CADM2: variants seen among roughly 807,000 people sequenced by gnomAD.
The protein encoded by CADM2 is immunoglobulin superfamily member 4D.
In CADM2, 12 loss-of-function variants were observed where a neutral mutation model predicts 49.8. The ratio of observed to expected loss-of-function variants is 0.24; its 90% confidence interval spans 0.15 to 0.39. The LOEUF (loss-of-function observed/expected upper bound fraction) is 0.39. Among genes scored for constraint, CADM2 ranks in the 10% least tolerant of loss-of-function variants. CADM2 has a pLI of 1.00. For synonymous variants in CADM2, 214 were observed against 175.4 expected, an observed-to-expected ratio of 1.22 and a Z score of -1.74; for missense variants, 378 against 492.3, an observed-to-expected ratio of 0.77 and a Z score of 2.20.
intron 1 of CADM2, among the ~76,000 whole-genome samples, chr3:85,015,324 ACTTC>A (rs2034206159): frequency 6.6e-6 from 1 of 152,130 alleles, no homozygotes. Context: ...CTGAAATTTT[ACTTC>A]CTTATTTTTT....
intron 1 of CADM2, among the ~76,000 whole-genome samples, chr3:85,007,519 AAT>A (rs777454606): frequency 5.4e-4 from 83 of 152,324 alleles, no homozygotes; most frequent in Non-Finnish European, 1.1e-3. Context: ...GAAATTATTA[AAT>A]TTAATTGTGA....
At chr3:85,723,248 A>G (rs992229144) in intron 1 of CADM2, among the ~76,000 whole-genome samples, 2 of 152,200 alleles carry the variant, frequency 1.3e-5, no homozygotes, top group South Asian at 2.1e-4. Flanking sequence ...TGCTTTTATT[A>G]TAAAGACAAA....
intron 1 of CADM2, among the ~76,000 whole-genome samples, chr3:85,665,633 A>T (rs922073868): frequency 2.0e-5 from 3 of 151,970 alleles, no homozygotes; most frequent in Non-Finnish European, 4.4e-5. Context: ...TCCTTTTACT[A>T]AAGTCTTTTG....
intron 1 of CADM2, among the ~76,000 whole-genome samples, chr3:85,541,973 A>G (rs1000698556): frequency 6.6e-6 from 1 of 151,770 alleles, no homozygotes; most frequent in Non-Finnish European, 1.5e-5. Flanking sequence ...CTCTCATGAA[A>G]ATATAGTGGC....
At chr3:85,471,572 A>C (rs2107609915) in intron 1 of CADM2, among the ~76,000 whole-genome samples, 1 of 152,202 alleles carries the variant, frequency 6.6e-6, no homozygotes, top group Non-Finnish European at 1.5e-5. Flanking sequence ...GGAATTTTTT[A>C]GTTAGATTTT....
chr3:85,391,778 C>T (rs1431114888), intron 1 of CADM2, among the ~76,000 whole-genome samples: 6 of 152,054 alleles, frequency 3.9e-5, no homozygotes, highest in African/African-American at 1.4e-4. Flanking sequence ...CGGTTTAGAA[C>T]CTGCATATGC....
chr3:85,188,873 T>C (rs1049327760), intron 1 of CADM2, among the ~76,000 whole-genome samples: 6 of 151,450 alleles, frequency 4.0e-5, no homozygotes, highest in Non-Finnish European at 7.4e-5. Context: ...CTACTAAAAA[T>C]ACAAAAAATT....
At chr3:85,569,110 A>T (rs537808246) in intron 1 of CADM2, among the ~76,000 whole-genome samples, 1 of 152,246 alleles carries the variant, frequency 6.6e-6, no homozygotes, top group East Asian at 1.9e-4. Context: ...ATCCCTAGTG[A>T]TGCATTTTTA....
intron 1 of CADM2, among the ~76,000 whole-genome samples, chr3:85,315,950 G>A (rs2044455626): frequency 6.6e-6 from 1 of 152,016 alleles, no homozygotes; most frequent in African/African-American, 2.4e-5. Flanking sequence ...CATCAAGAAG[G>A]AAGACATTTA....
intron 1 of CADM2, among the ~76,000 whole-genome samples, chr3:85,019,498 C>T (rs1008329937): frequency 1.3e-5 from 2 of 152,038 alleles, no homozygotes; most frequent in African/African-American, 4.8e-5. Flanking sequence ...ACAAAGTGAA[C>T]AAAAAATGCT....
In CADM2 at chr3:85,461,434, A is replaced by C. The variant is rs568204679; in HGVS notation, c.62-265088A>C. Among the ~76,000 whole-genome samples the C allele has an allele frequency of 9.2e-5, 14 of 152,306 alleles. No individual in the cohort carries two copies. The East Asian group carries it at 2.7e-3, about 29-fold the overall frequency. On this transcript the variant is annotated intron_variant, in intron 1 of 9. Coordinates refer to ENST00000383699, the MANE Select transcript of CADM2 (RefSeq NM_001167675.2). ...TTTCACATAACATACGCTTTTATTG[A>C]TACTTTTTAGTAAAATCATTATTGA...
rs578095180 is a variant in CADM2 at position 85,924,903 on chromosome 3, C to A, written c.701-10864C>A. Among the ~76,000 whole-genome samples, 12 of 152,266 alleles carry A rather than the reference C, an allele frequency of 7.9e-5. No individual in the cohort carries two copies. In the South Asian group the frequency reaches 2.5e-3, roughly 32 times the overall value. On this transcript the variant is annotated intron_variant, in intron 6 of 9. Transcript: ENST00000383699. ...TCAAGGCTTTTAAAATACAACCAAC[C>A]CCCTATAATGCTGCTCTCAAGTACT...
intron 1 of CADM2, among the ~76,000 whole-genome samples, chr3:85,480,933 T>C (rs1576630368): frequency 6.6e-6 from 1 of 151,756 alleles, no homozygotes; most frequent in African/African-American, 2.4e-5. Context: ...TTTATATGAA[T>C]AATCCTTTTC....
chr3:85,487,954 T>C (rs1214792609), intron 1 of CADM2, among the ~76,000 whole-genome samples: 3 of 152,188 alleles, frequency 2.0e-5, no homozygotes, highest in African/African-American at 7.2e-5. Flanking sequence ...CACCCCATTT[T>C]ACAATAGATA....
At chr3:85,596,723 C>T (rs2044725) in intron 1 of CADM2, among the ~76,000 whole-genome samples, 107,019 of 151,908 alleles carry the variant, frequency 0.7, 38,113 homozygotes, top group East Asian at 0.93. Flanking sequence ...CTAGAAACAT[C>T]TGATGATTTC....
chr3:85,762,769 GTATAA>G (rs1246794466), intron 2 of CADM2, among the ~76,000 whole-genome samples: 5 of 151,010 alleles, frequency 3.3e-5, no homozygotes, highest in Non-Finnish European at 7.4e-5. Context: ...CCATATATAT[GTATAA>G]TATATTATTA....
chr3:85,508,665 T>C (rs964440962), intron 1 of CADM2, among the ~76,000 whole-genome samples: 1 of 152,094 alleles, frequency 6.6e-6, no homozygotes, highest in Non-Finnish European at 1.5e-5. Flanking sequence ...GGGAATCAGG[T>C]AAATGTATAA....
At chr3:85,450,307 C>T (rs1413993912) in intron 1 of CADM2, among the ~76,000 whole-genome samples, 1 of 152,022 alleles carries the variant, frequency 6.6e-6, no homozygotes, top group Non-Finnish European at 1.5e-5. Flanking sequence ...AGCATATCTA[C>T]TTGCTGGAAC....
chr3:85,783,391 G>T (rs1486081016), intron 2 of CADM2, among the ~76,000 whole-genome samples: 1 of 152,066 alleles, frequency 6.6e-6, no homozygotes, highest in Non-Finnish European at 1.5e-5. Context: ...CTTCTTATTT[G>T]GCATATGTCC....
Sources: gnomAD v4.1 joint callset for allele counts (sites outside exome capture counted in the v4.1 genomes callset) on GRCh38, gnomAD v4.1.1 for gene constraint, MANE v1.5 for transcripts, NCBI Gene and HGNC (gene_info 2026-07-23, HGNC 2026-07-21) for gene names.